The following CWC22 variants were observed in gnomAD, a reference collection of about 807,000 sequenced individuals.
CWC22 encodes pre-mRNA-splicing factor CWC22 homolog.
CWC22 carries 53 observed loss-of-function variants against 117.2 expected under a neutral mutation model. That is an observed-to-expected ratio of 0.45 (90% CI 0.36 to 0.57). The LOEUF (loss-of-function observed/expected upper bound fraction) is 0.57, where lower values mean the gene tolerates loss of function less well. CWC22 is among the 20% of genes least tolerant of loss of function. CWC22 has a pLI of 0.00. For missense variants in CWC22, 980 were observed against 1,068.8 expected (o/e 0.92, Z 1.16); for synonymous variants, 360 against 355.6 (o/e 1.01, Z -0.14).
intron 2 of CWC22, 80 bp from the exon 3 acceptor site, chr2:179,988,724 T>C (rs1252580828): frequency 1.0e-5 from 7 of 683,878 alleles, no homozygotes; most frequent in Non-Finnish European, 1.5e-5. Flanking sequence ...GCTTAGAAAG[T>C]TGGAAGTACT....
At chr2:179,999,093 A>G (rs1687781287) in intron 1 of CWC22, among the ~76,000 whole-genome samples, 1 of 152,198 alleles carries the variant, frequency 6.6e-6, no homozygotes, top group South Asian at 2.1e-4. Flanking sequence ...CGTAAGTGTG[A>G]AAATGACAAT....
Position 179,986,669 on chromosome 2 carries a change from A to G in CWC22, c.206+26T>C, listed in dbSNP as rs1309968139. ...AGAGTTTAAACAAATACAATTTTCT[A>G]CAAGTTAGAAATTCCCAACACTAAC... On this transcript the variant is annotated intron_variant, in intron 4 of 19. Transcript: ENST00000410053. 5 of 1,310,906 alleles carry G rather than the reference A, an allele frequency of 3.8e-6. No individual in the cohort carries two copies. In the African/African-American group the frequency reaches 4.4e-5, roughly 12 times the overall value. The allele number at this position is 1,310,906 out of a possible 1,614,324, so 81.2% of individuals were successfully genotyped here.
At chr2:179,991,568 G>C (rs1687568462) in intron 2 of CWC22, among the ~76,000 whole-genome samples, 1 of 152,188 alleles carries the variant, frequency 6.6e-6, no homozygotes, top group South Asian at 2.1e-4. Context: ...TGGGCCACAA[G>C]AGGGAAGCGT....
chr2:179,981,606 G>T, intron 5 of CWC22, 146 bp downstream of exon 5: 1 of 631,078 alleles, frequency 1.6e-6, no homozygotes, highest in Non-Finnish European at 2.7e-6. Flanking sequence ...CTCCAATGGA[G>T]CTATAAAGTA....
At chr2:179,965,743 T>TAGTC (rs1686871147) in intron 12 of CWC22, 135 bp downstream of exon 12, 3 of 675,998 alleles carry the variant, frequency 4.4e-6, no homozygotes, top group Non-Finnish European at 4.6e-6. Context: ...ACAGCAGCCC[T>TAGTC]AGTCTTCACC....
At chr2:179,964,158 T>G (rs959353260) in intron 13 of CWC22, among the ~76,000 whole-genome samples, 1 of 152,242 alleles carries the variant, frequency 6.6e-6, no homozygotes, top group African/African-American at 2.4e-5. Flanking sequence ...CAACAGTGCT[T>G]CTTTGCCTAG....
chr2:179,989,069 A>AC (rs1417873272), intron 2 of CWC22, among the ~76,000 whole-genome samples: 1 of 150,646 alleles, frequency 6.6e-6, no homozygotes, highest in Admixed American at 6.6e-5. Flanking sequence ...ATCCCTAACC[A>AC]CCCCCCTACT....
At chr2:180,005,440 G>A (rs1032568013) in intron 1 of CWC22, among the ~76,000 whole-genome samples, 2 of 152,166 alleles carry the variant, frequency 1.3e-5, no homozygotes, top group Non-Finnish European at 2.9e-5. Context: ...AGCCAGGCGT[G>A]GTGGCGGGCA....
intron 11 of CWC22, among the ~76,000 whole-genome samples, chr2:179,969,827 C>T (rs1342827496): frequency 6.6e-6 from 1 of 151,970 alleles, no homozygotes; most frequent in Non-Finnish European, 1.5e-5. Flanking sequence ...GAAAATAATA[C>T]AAATGTGAAA....
chr2:179,963,207 G>A (rs1686798106), intron 13 of CWC22, among the ~76,000 whole-genome samples: 1 of 148,034 alleles, frequency 6.8e-6, no homozygotes, highest in Non-Finnish European at 1.5e-5. Context: ...TAAATCTGCT[G>A]CTCACAACTG....
At chr2:179,951,194 T>C (rs917711621) in intron 17 of CWC22, among the ~76,000 whole-genome samples, 1 of 151,982 alleles carries the variant, frequency 6.6e-6, no homozygotes, top group Admixed American at 6.6e-5. Flanking sequence ...TATAGAAAGA[T>C]AAATATATAC....
intron 1 of CWC22, among the ~76,000 whole-genome samples, chr2:179,999,646 G>A (rs900048088): frequency 3.3e-5 from 5 of 152,132 alleles, no homozygotes; most frequent in African/African-American, 1.2e-4. Context: ...TTGTCACTTC[G>A]GTGTTCTCAG....
intron 12 of CWC22, 22 bp from the exon 13 acceptor site, chr2:179,964,650 T>C: frequency 8.0e-7 from 1 of 1,242,776 alleles, no homozygotes; most frequent in African/African-American, 1.5e-5. Context: ...ATAACAAAAT[T>C]ACACAACTGC....
intron 6 of CWC22, among the ~76,000 whole-genome samples, chr2:179,977,011 C>T (rs756437093): frequency 6.6e-6 from 1 of 152,024 alleles, no homozygotes; most frequent in African/African-American, 2.4e-5. Context: ...AAAAAATTAG[C>T]CCAGTGTGGT....
At chr2:179,949,118 G>A (rs1271122840) in intron 19 of CWC22, among the ~76,000 whole-genome samples, 1 of 152,156 alleles carries the variant, frequency 6.6e-6, no homozygotes, top group Non-Finnish European at 1.5e-5. Context: ...CCAAGATGCA[G>A]GAGAAAGCAG....
Position 179,983,311 on chromosome 2 carries a change from T to A in CWC22, c.207-1314A>T, listed in dbSNP as rs115175164. Among the ~76,000 whole-genome samples the A allele has an allele frequency of 7.3e-3, 1,117 of 152,168 alleles. 13 individuals are homozygous for A. Among genetic ancestry groups the A allele is most frequent in the African/African-American group, 0.025 (1,052 of 41,538 alleles). Reference sequence around the variant, plus strand: ...GCCCCAGTGTGTGTTGTTCTCCATGTGTTAATGTGTTCTCATAATTTAGCT... The same window carrying A: ...GCCCCAGTGTGTGTTGTTCTCCATGAGTTAATGTGTTCTCATAATTTAGCT... On this transcript the variant is annotated intron_variant, in intron 4 of 19. Transcript: ENST00000410053.
chr2:179,990,575 AGAGAAAG>A (rs1484745834), intron 2 of CWC22, among the ~76,000 whole-genome samples: 11 of 151,708 alleles, frequency 7.3e-5, no homozygotes, highest in African/African-American at 2.2e-4. Flanking sequence ...AGAGAGAGAG[AGAGAAAG>A]AAGAAGGAGG....
intron 1 of CWC22, among the ~76,000 whole-genome samples, chr2:179,997,104 T>C (rs948789037): frequency 1.3e-5 from 2 of 152,166 alleles, no homozygotes; most frequent in Non-Finnish European, 2.9e-5. Flanking sequence ...TTTTAATTTA[T>C]CTAAAATACA....
In CWC22 at chr2:179,971,060, C is replaced by T. The variant is rs188760029; in HGVS notation, c.821G>A (p.Cys274Tyr). 6 of 1,589,604 alleles carry T rather than the reference C, an allele frequency of 3.8e-6. No homozygotes were observed. The highest frequency in any genetic ancestry group is 4.3e-6 in the Non-Finnish European group (5 of 1,166,856). Residue 274 changes from cysteine to tyrosine, a missense_variant, in exon 9 of 20, where the codon TGC becomes TAC. Transcript: ENST00000410053. Reference protein sequence around the residue: ...INQNVAHEVLCLEMLTLLLER... With the variant: ...INQNVAHEVLYLEMLTLLLER... ...CAGGAGCAAAGTGAGCATCTCTAAG[C>T]ATAATACTTCGTGTGCCTTAAATAA... is the stretch of plus-strand genomic sequence containing the variant.
Sources: allele counts gnomAD v4.1 joint callset (sites outside exome capture counted in the v4.1 genomes callset), GRCh38; gene constraint gnomAD v4.1.1; transcripts MANE v1.5; gene names NCBI Gene and HGNC (gene_info 2026-07-23, HGNC 2026-07-21).